Variants in CD99 observed in about 807,000 individuals in gnomAD.
The protein encoded by CD99 is CD99 molecule (Xg blood group), also known as CD99 antigen.
In CD99, 19 loss-of-function variants were observed where a neutral mutation model predicts 28.4. The observed-to-expected ratio is 0.67, with a 90% CI of 0.47 to 0.98. CD99 has a LOEUF of 0.98. Among genes scored for constraint, CD99 ranks in the 50% least tolerant of loss-of-function variants. The pLI is 0.00. For synonymous variants in CD99, 103 were observed against 92.1 expected (o/e 1.12, Z -0.67); for missense variants, 283 against 248.8 (o/e 1.14, Z -0.92).
chrX:2,740,152 C>T (rs2050134411), intron 9 of CD99, among the ~76,000 whole-genome samples: 1 of 151,940 alleles, frequency 6.6e-6, no homozygotes, highest in South Asian at 2.1e-4. Context: ...TCTTTCGAGT[C>T]AGGGAAAGAT....
intron 1 of CD99, among the ~76,000 whole-genome samples, chrX:2,713,069 CAT>C (rs1188384378): frequency 2.0e-5 from 3 of 151,432 alleles, no homozygotes; most frequent in Non-Finnish European, 2.9e-5. Flanking sequence ...CACACATAAA[CAT>C]ATTGACACAT....
chrX:2,710,455 T>G (rs1159565258), intron 1 of CD99, among the ~76,000 whole-genome samples: 1 of 152,060 alleles, frequency 6.6e-6, no homozygotes, highest in Non-Finnish European at 1.5e-5. Context: ...AGGGTGAAAT[T>G]ACAGAAATAA....
chrX:2,715,536 G>A (rs1291869029), intron 2 of CD99: 1 of 152,188 alleles, frequency 6.6e-6, no homozygotes, highest in Non-Finnish European at 1.5e-5. Context: ...TTGTCATTGG[G>A]TTTAGGGCCA....
Position 2,723,296 on chromosome X carries a change from G to A in CD99, c.311-18G>A, listed in dbSNP as rs201769853. ...GACCCCAAACCTTCCCATTGCAGACGTTGTTTTTGTCTTGCAGGAAAAGGA... is the reference window on the plus strand; with the variant it reads ...GACCCCAAACCTTCCCATTGCAGACATTGTTTTTGTCTTGCAGGAAAAGGA... On this transcript the variant is annotated intron_variant, in intron 6 of 9. Coordinates refer to ENST00000381192, the MANE Select transcript of CD99 (RefSeq NM_002414.5). 3.0e-5 allele frequency: 49 copies of A among 1,613,730 alleles called. No homozygotes were observed. Among genetic ancestry groups the A allele is most frequent in the East Asian group, 4.5e-5 (2 of 44,884 alleles).
At chrX:2,737,158 A>G (rs1371715617) in intron 8 of CD99, among the ~76,000 whole-genome samples, 1 of 151,934 alleles carries the variant, frequency 6.6e-6, no homozygotes, top group African/African-American at 2.4e-5. Context: ...ATCTGCTGAG[A>G]TTCTCTGTAT....
chrX:2,740,657 G>A (rs312257), intron 9 of CD99, 122 bp from the exon 10 acceptor site: 93,775 of 887,444 alleles, frequency 0.11, 5,584 homozygotes, highest in Admixed American at 0.16. Context: ...CTCGTGATGA[G>A]TTTTGGGCCC....
At chrX:2,709,199 A>ACACACATGCATGCACACTCATGCCATG in intron 1 of CD99, among the ~76,000 whole-genome samples, 1 of 152,142 alleles carries the variant, frequency 6.6e-6, no homozygotes, top group Admixed American at 6.5e-5. Context: ...ATACACAGGC[A>ACACACATGCATGCACACTCATGCCATG]CATACATGCA....
In CD99 at chrX:2,722,746, A is replaced by G. The variant is rs2049057619; in HGVS notation, c.310+72A>G. 6.2e-5 allele frequency: 88 copies of G among 1,421,608 alleles called. No homozygotes were observed. The South Asian group carries it at 9.6e-4, about 16-fold the overall frequency. The allele number at this position is 1,421,608 out of a possible 1,614,324, so 88.1% of individuals were successfully genotyped here. A position where few individuals can be genotyped will look rare whatever the true frequency, so the allele number is the denominator to read the frequency against. ...TGCCCACCTGCTCTGTAGAATCACT[A>G]CAGGGTCTAAACTGTCAGCTCTCTG... On this transcript the variant is annotated intron_variant, in intron 6 of 9. Coordinates refer to ENST00000381192, the MANE Select transcript of CD99 (RefSeq NM_002414.5).
At chrX:2,697,807 C>T (rs2047646408) in intron 1 of CD99, among the ~76,000 whole-genome samples, 1 of 152,026 alleles carries the variant, frequency 6.6e-6, no homozygotes, top group Admixed American at 6.6e-5. Context: ...TAACACAGGG[C>T]TGTCTTCGAT....
chrX:2,699,774 A>G (rs2047759242), intron 1 of CD99, among the ~76,000 whole-genome samples: 1 of 152,118 alleles, frequency 6.6e-6, no homozygotes, highest in African/African-American at 2.4e-5. Context: ...ATTTTTAAAA[A>G]GCCCCTCGGA....
rs1351427875 is a variant in CD99, at chrX:2,720,394, A to C, written c.232A>C (p.Asn78His). ...ACCGAACCCACCCAAACCGATGCCAAATCCAAACCCCAACCACCCTAGTTC... is the reference window on the plus strand; with the variant it reads ...ACCGAACCCACCCAAACCGATGCCACATCCAAACCCCAACCACCCTAGTTC... Reference protein sequence around the residue: ...RPPNPPKPMPNPNPNHPSSSG... With the variant: ...RPPNPPKPMPHPNPNHPSSSG... Residue 78 changes from asparagine (N) to histidine (H), a missense_variant, in exon 5 of 10, where the codon AAT becomes CAT. Transcript: ENST00000381192. 2.5e-6 allele frequency: 4 copies of C among 1,613,728 alleles called. No homozygotes were observed. Among genetic ancestry groups the C allele is most frequent in the Non-Finnish European group, 3.4e-6 (4 of 1,179,836 alleles).
At chrX:2,722,762 C>T (rs1797631661) in intron 6 of CD99, 88 bp downstream of exon 6, 1 of 1,292,828 alleles carries the variant, frequency 7.7e-7, no homozygotes, top group Non-Finnish European at 1.1e-6. Context: ...TCTAAACTGT[C>T]AGCTCTCTGT....
Position 2,693,328 on chromosome X carries a change from A to C in CD99, c.67+1901A>C, listed in dbSNP as rs185063786. 3.6e-4 allele frequency among the ~76,000 whole-genome samples: 42 copies of C among 118,096 alleles called. No homozygotes were observed. The East Asian group carries it at 0.01, about 28-fold the overall frequency. 77.5% of individuals were successfully genotyped at this position (118,096 alleles called of 152,430 possible). ...TGCTGATGCTTTGAGTAAAGGGAAG[A>C]GTACCTGTCTATGGGGTGGGTGGGT... On this transcript the variant is annotated intron_variant, in intron 1 of 9. Coordinates refer to ENST00000381192, the MANE Select transcript of CD99 (RefSeq NM_002414.5).
intron 1 of CD99, among the ~76,000 whole-genome samples, chrX:2,704,699 A>T (rs1189569521): frequency 6.6e-6 from 1 of 152,132 alleles, no homozygotes; most frequent in East Asian, 1.9e-4. Context: ...TTGGGATTAC[A>T]GGAGTGAGCC....
intron 1 of CD99, among the ~76,000 whole-genome samples, chrX:2,712,585 C>G: frequency 6.6e-6 from 1 of 152,190 alleles, no homozygotes; most frequent in South Asian, 2.1e-4. Context: ...CCGCATGCTG[C>G]AGGAGGAGCT....
chrX:2,737,431 T>G (rs2050002595), intron 8 of CD99, among the ~76,000 whole-genome samples: 1 of 148,666 alleles, frequency 6.7e-6, no homozygotes, highest in African/African-American at 2.5e-5. Context: ...CCGCCTGGCC[T>G]CCCAAAGTGG....
At chrX:2,736,533 C>T (rs570573440) in intron 8 of CD99, among the ~76,000 whole-genome samples, 15 of 151,764 alleles carry the variant, frequency 9.9e-5, no homozygotes, top group African/African-American at 1.4e-4. Context: ...GTTTGCATTG[C>T]GGCATGTTTG....
intron 6 of CD99, 136 bp downstream of exon 6, chrX:2,722,810 C>G: frequency 1.0e-6 from 1 of 958,464 alleles, no homozygotes; most frequent in South Asian, 1.3e-5. Context: ...TCTGTGGGAA[C>G]TCCGCCTGTT....
At chrX:2,706,487 A>G (rs1313042375) in intron 1 of CD99, among the ~76,000 whole-genome samples, 1 of 152,124 alleles carries the variant, frequency 6.6e-6, no homozygotes, top group African/African-American at 2.4e-5. Flanking sequence ...AATGTCCTGA[A>G]AGTTTCGTGT....
Sources: gnomAD v4.1 joint callset for allele counts (sites outside exome capture counted in the v4.1 genomes callset) on GRCh38, gnomAD v4.1.1 for gene constraint, MANE v1.5 for transcripts, NCBI Gene and HGNC (gene_info 2026-07-23, HGNC 2026-07-21) for gene names.